The following SLC30A7 variants were observed in gnomAD, a reference collection of about 807,000 sequenced individuals.
SLC30A7 encodes the protein zinc transporter 7.
A neutral mutation model predicts 46.0 loss-of-function variants in SLC30A7; 35 were observed. That is an observed-to-expected ratio of 0.76 (90% confidence interval 0.58 to 1.01). The LOEUF (loss-of-function observed/expected upper bound fraction) is 1.01. Ranked by LOEUF, SLC30A7 falls within the 50% of genes least tolerant of loss-of-function variation. The pLI, the probability that SLC30A7 is intolerant of heterozygous loss-of-function variation, is 0.00. For synonymous variants in SLC30A7, 147 were observed against 157.8 expected (o/e 0.93, Z 0.51); for missense variants, 464 against 451.1 (o/e 1.03, Z -0.26).
intron 9 of SLC30A7, among the ~76,000 whole-genome samples, chr1:100,964,374 A>ATATACAT (rs1446078791): frequency 5.0e-4 from 56 of 112,336 alleles, no homozygotes; most frequent in African/African-American, 2.0e-3. Flanking sequence ...ATGTATATAT[A>ATATACAT]ACATATGTTA....
intron 5 of SLC30A7, among the ~76,000 whole-genome samples, chr1:100,913,248 T>C (rs777450521): frequency 6.6e-6 from 1 of 152,216 alleles, no homozygotes; most frequent in Non-Finnish European, 1.5e-5. Context: ...TAATCTTTGT[T>C]AGTGTGTGTA....
Position 100,896,352 on chromosome 1 carries a change from G to A in SLC30A7, c.80+10G>A. 2 of 1,614,118 alleles carry A rather than the reference G, an allele frequency of 1.2e-6. No homozygotes were observed. Among genetic ancestry groups the A allele is most frequent in the Non-Finnish European group, 8.5e-7 (1 of 1,179,970 alleles). On this transcript the variant is annotated intron_variant, in intron 1 of 10. Transcript: ENST00000357650. ...TCTCGGGCTGGTTTAGGTGCGGGGTGCTGTGTTTGCGGGGAGGGGGTGTCC... is the reference window on the plus strand; with the variant it reads ...TCTCGGGCTGGTTTAGGTGCGGGGTACTGTGTTTGCGGGGAGGGGGTGTCC...
chr1:100,978,942 G>T lies in SLC30A7; in HGVS notation c.*4085G>T, dbSNP rs1656734341. 1 of 152,074 alleles carries T rather than the reference G, an allele frequency of 6.6e-6. No individual in the cohort carries two copies. The highest frequency in any genetic ancestry group is 1.5e-5 in the Non-Finnish European group (1 of 67,980). The allele number at this position is 152,074 out of a possible 1,614,324, so 9.4% of individuals were successfully genotyped here. On this transcript the variant is annotated 3_prime_UTR_variant, in exon 11 of 11. Transcript: ENST00000357650. ...CTAAATCCAATTTAAGGATTGCTTA[G>T]TTTCTTTATTTTGTTTATGGTCTCT...
chr1:100,987,936 G>C, the SLC30A7 span, among the ~76,000 whole-genome samples: 1 of 151,914 alleles, frequency 6.6e-6, no homozygotes, highest in Non-Finnish European at 1.5e-5. Context: ...CTGGGGTTTG[G>C]GAAGCTCAAG....
chr1:100,959,945 A>G (rs1295317292), intron 8 of SLC30A7, among the ~76,000 whole-genome samples: 2 of 152,222 alleles, frequency 1.3e-5, no homozygotes, highest in African/African-American at 2.4e-5. Context: ...GTGGACATGC[A>G]TAGTACAATG....
intron 8 of SLC30A7, among the ~76,000 whole-genome samples, chr1:100,935,298 CAT>C (rs538967196): frequency 4.5e-4 from 68 of 152,304 alleles, no homozygotes; most frequent in African/African-American, 1.5e-3. Context: ...GGGTTCCTCA[CAT>C]AGTACTTTTT....
intron 6 of SLC30A7, among the ~76,000 whole-genome samples, chr1:100,915,208 T>TC (rs1189833387): frequency 8.4e-5 from 8 of 94,812 alleles, no homozygotes; most frequent in African/African-American, 3.0e-4. Context: ...TTTCTTTCTT[T>TC]CTTTCTTTCT....
At chr1:100,900,742 TAA>T (rs1181714636) in intron 2 of SLC30A7, among the ~76,000 whole-genome samples, 1 of 152,212 alleles carries the variant, frequency 6.6e-6, no homozygotes, top group Non-Finnish European at 1.5e-5. Context: ...TTCCTGATAA[TAA>T]ATTGACAGTG....
At chr1:100,992,547 T>G in the SLC30A7 span, 1 of 869,746 alleles carries the variant, frequency 1.1e-6, no homozygotes, top group East Asian at 2.5e-5. Flanking sequence ...TGACTCTTGC[T>G]TCCATAGTGG....
the SLC30A7 span, among the ~76,000 whole-genome samples, chr1:100,988,871 TA>T: frequency 6.6e-6 from 1 of 151,396 alleles, no homozygotes; most frequent in Non-Finnish European, 1.5e-5. Flanking sequence ...AATAAATAAA[TA>T]AAAAATAATA....
chr1:100,929,500 A>G (rs1335823944), intron 8 of SLC30A7, among the ~76,000 whole-genome samples: 3 of 152,144 alleles, frequency 2.0e-5, no homozygotes, highest in Admixed American at 6.5e-5. Context: ...AACTAAATAG[A>G]GTATAAAGAA....
intron 8 of SLC30A7, chr1:100,941,278 G>A: frequency 2.7e-6 from 1 of 376,044 alleles, no homozygotes; most frequent in Non-Finnish European, 5.2e-6. Context: ...CACCACCAGA[G>A]CTACCACCAA....
chr1:100,984,387 A>G (rs1334613184), downstream of SLC30A7, among the ~76,000 whole-genome samples: 1 of 152,212 alleles, frequency 6.6e-6, no homozygotes, highest in African/African-American at 2.4e-5. Flanking sequence ...GAGATTATGG[A>G]GTGGGAGGAA....
intron 3 of SLC30A7, among the ~76,000 whole-genome samples, chr1:100,910,695 T>C (rs568188912): frequency 6.6e-6 from 1 of 152,172 alleles, no homozygotes; most frequent in Non-Finnish European, 1.5e-5. Flanking sequence ...AGACCCTTTC[T>C]TCTACTTTTT....
At chr1:100,929,640 T>C (rs1442821216) in intron 8 of SLC30A7, among the ~76,000 whole-genome samples, 2 of 152,140 alleles carry the variant, frequency 1.3e-5, no homozygotes, top group Non-Finnish European at 2.9e-5. Context: ...CATGGAAATA[T>C]ATGTCTATCC....
At chr1:100,919,586 A>G (rs1652818420) in intron 7 of SLC30A7, among the ~76,000 whole-genome samples, 1 of 152,202 alleles carries the variant, frequency 6.6e-6, no homozygotes, top group Non-Finnish European at 1.5e-5. Context: ...AATCATGCAT[A>G]TATGATGCAT....
chr1:100,921,229 G>GGTTTATGGTTTATGGGAAATTGT (rs1385096516), intron 7 of SLC30A7, among the ~76,000 whole-genome samples: 1 of 152,084 alleles, frequency 6.6e-6, no homozygotes, highest in Admixed American at 6.6e-5. Flanking sequence ...CAGGATAAGT[G>GGTTTATGGTTTATGGGAAATTGT]AAATTATGGT....
chr1:100,901,739 C>T (rs1172454032), intron 2 of SLC30A7, among the ~76,000 whole-genome samples: 4 of 152,152 alleles, frequency 2.6e-5, no homozygotes, highest in African/African-American at 7.2e-5. Flanking sequence ...CCACTGCACC[C>T]GGCTGGTTTT....
At chr1:100,937,404 G>A (rs1472780967) in intron 8 of SLC30A7, among the ~76,000 whole-genome samples, 6 of 152,144 alleles carry the variant, frequency 3.9e-5, no homozygotes, top group Non-Finnish European at 7.4e-5. Flanking sequence ...CAATGCAGAA[G>A]GGTTGTAATT....
Sources: gnomAD v4.1 joint callset for allele counts (sites outside exome capture counted in the v4.1 genomes callset) on GRCh38, gnomAD v4.1.1 for gene constraint, MANE v1.5 for transcripts, NCBI Gene and HGNC (gene_info 2026-07-23, HGNC 2026-07-21) for gene names.